Variants in RBM5 observed in about 807,000 individuals in gnomAD.
RBM5 encodes the protein RNA binding motif protein 5, also known as RNA-binding protein 5.
In RBM5, 15 loss-of-function variants were observed where a neutral mutation model predicts 124.6. The observed-to-expected ratio is 0.12, with a 90% CI of 0.08 to 0.19. RBM5 has a LOEUF of 0.19. Ranked by LOEUF, RBM5 falls within the 10% of genes least tolerant of loss-of-function variation. The probability of loss-of-function intolerance (pLI) is 1.00; values close to 1 mark genes in which losing one functional copy is unlikely to be tolerated. For missense variants in RBM5, 580 were observed against 1,026.5 expected (o/e 0.57, Z 5.94); for synonymous variants, 337 against 361.2 (o/e 0.93, Z 0.76).
In RBM5 at chr3:50,118,508, C is replaced by A; in HGVS notation, c.*52C>A. The stretch of plus-strand genomic sequence containing the variant: ...GGAGCACAAGAAGTGGTCCATCTCC[C>A]GAATTCGCTGTTACCGCCTGTCTCT... On this transcript the variant is annotated 3_prime_UTR_variant, in exon 25 of 25. Coordinates refer to ENST00000347869, the MANE Select transcript of RBM5 (RefSeq NM_005778.4). The A allele has an allele frequency of 1.9e-6, 3 of 1,584,962 alleles. No homozygotes were observed. The highest frequency in any genetic ancestry group is 2.3e-5 in the East Asian group (1 of 44,036).
At chr3:50,104,865 C>T in intron 8 of RBM5, 1 of 477,582 alleles carries the variant, frequency 2.1e-6, no homozygotes, top group Non-Finnish European at 3.8e-6. Flanking sequence ...TTCTTTAGTG[C>T]AGGGTAGTGT....
chr3:50,113,834 T>G lies in RBM5; in HGVS notation c.1618-116T>G. On this transcript the variant is annotated intron_variant, in intron 18 of 24. Transcript: ENST00000347869. ...TAATGGAAATATTTGTAGGTGGAAG[T>G]AAGAGTAAAAGGGGTTTGTTACAGG... 5 of 1,195,736 alleles carry G rather than the reference T, an allele frequency of 4.2e-6. No individual in the cohort carries two copies. In the South Asian group the frequency reaches 7.6e-5, roughly 18 times the overall value. 74.1% of individuals were successfully genotyped at this position (1,195,736 alleles called of 1,614,324 possible).
intron 17 of RBM5, among the ~76,000 whole-genome samples, chr3:50,112,348 G>A (rs922743353): frequency 6.7e-6 from 1 of 149,114 alleles, no homozygotes; most frequent in Non-Finnish European, 1.5e-5. Context: ...CCCGGGAGGT[G>A]GAGCTGGCAG....
intron 17 of RBM5, chr3:50,113,121 T>C (rs1157325245): frequency 3.9e-6 from 1 of 256,250 alleles, no homozygotes; most frequent in Non-Finnish European, 7.5e-6. Context: ...CCCAAAGTGC[T>C]AGGATTACGG....
rs561348710 is a variant in RBM5 at position 50,113,262 on chromosome 3, C to A, written c.1456-121C>A. 2.7e-4 allele frequency: 275 copies of A among 1,035,696 alleles called. 2 individuals carry two copies. In the South Asian group the frequency reaches 2.9e-3, roughly 11 times the overall value. The allele number at this position is 1,035,696 out of a possible 1,614,324, so 64.2% of individuals were successfully genotyped here. On this transcript the variant is annotated intron_variant, in intron 17 of 24. Coordinates refer to ENST00000347869, the MANE Select transcript of RBM5 (RefSeq NM_005778.4). ...ACTTATACCAAGGTGTGCCCAGGGT[C>A]TTTTCTGGGCAGGAAATATCACTAG...
rs374269188 is a variant in RBM5, at chr3:50,115,409, G to C, written c.1840-19G>C. The C allele has an allele frequency of 8.7e-6, 14 of 1,610,088 alleles. No individual in the cohort carries two copies. In the East Asian group the frequency reaches 2.0e-4, roughly 23 times the overall value. On this transcript the variant is annotated intron_variant, in intron 20 of 24. Transcript: ENST00000347869. ...TCCTATTGTACATTTCCAGTGACCT[G>C]TCCTCCTTTTGTCTCCAGAGGGGTC...
intron 8 of RBM5, chr3:50,104,599 T>TA (rs1401660122): frequency 2.8e-6 from 1 of 355,498 alleles, no homozygotes; most frequent in Non-Finnish European, 5.2e-6. Flanking sequence ...GCTATGGTCA[T>TA]ACCACTGCAC....
At chr3:50,095,172 G>C (rs1431261569) in intron 4 of RBM5, among the ~76,000 whole-genome samples, 1 of 152,172 alleles carries the variant, frequency 6.6e-6, no homozygotes, top group Non-Finnish European at 1.5e-5. Flanking sequence ...TTGCACTCCA[G>C]CCTGGGTGAC....
intron 16 of RBM5, 94 bp downstream of exon 16, chr3:50,110,557 G>A: frequency 2.1e-6 from 3 of 1,441,218 alleles, no homozygotes; most frequent in Non-Finnish European, 2.9e-6. Flanking sequence ...GGTGTCAGAG[G>A]GACACTTGGG....
At chr3:50,115,299 A>T in intron 20 of RBM5, 129 bp from the exon 21 acceptor site, 1 of 1,128,378 alleles carries the variant, frequency 8.9e-7, no homozygotes, top group Non-Finnish European at 1.3e-6. Flanking sequence ...GTGATTCATT[A>T]CTAAAGTGTG....
At chr3:50,111,384 C>T (rs779218301) in intron 17 of RBM5, among the ~76,000 whole-genome samples, 2 of 152,144 alleles carry the variant, frequency 1.3e-5, no homozygotes, top group African/African-American at 2.4e-5. Flanking sequence ...CCTCCAGTAA[C>T]TACTAATCTA....
At chr3:50,099,071 G>A (rs150514588) in intron 4 of RBM5, among the ~76,000 whole-genome samples, 7 of 152,066 alleles carry the variant, frequency 4.6e-5, no homozygotes, top group Admixed American at 2.0e-4. Context: ...CCTGGGCAAC[G>A]TGGCAAAACT....
At chr3:50,115,718 T>TA (rs2091237012) in intron 21 of RBM5, 111 bp downstream of exon 21, 1 of 1,334,156 alleles carries the variant, frequency 7.5e-7, no homozygotes, top group South Asian at 1.4e-5. Flanking sequence ...ATGATGGCCT[T>TA]ACAGAAAGCT....
chr3:50,118,096 G>A, intron 24 of RBM5: 1 of 563,632 alleles, frequency 1.8e-6, no homozygotes, highest in Admixed American at 3.1e-5. Context: ...GATGCTTGCT[G>A]AGCAGGCATT....
Position 50,110,703 on chromosome 3 carries a change from A to G in RBM5, c.1388A>G (p.Gln463Arg). ...GCAGTACCTGACACGTCCACTTACC[A>G]GTATGATGAATCTTCAGGATATTAC... ...KYAVPDTSTY[Q>R]YDESSGYYYD... The change falls in exon 17 of 25, where the codon CAG becomes CGG. Residue 463 changes from glutamine to arginine, a missense_variant. Around this residue, in one of 6 missense-constraint regions of RBM5, gnomAD observed 104 missense variants for 128.7 expected, o/e 0.81. Transcript: ENST00000347869. 6.2e-7 allele frequency: 1 copy of G among 1,613,562 alleles called. No individual in the cohort carries two copies. The highest frequency in any genetic ancestry group is 8.5e-7 in the Non-Finnish European group (1 of 1,179,590).
At chr3:50,098,118 T>A (rs746058913) in intron 4 of RBM5, among the ~76,000 whole-genome samples, 2 of 152,130 alleles carry the variant, frequency 1.3e-5, no homozygotes, top group Non-Finnish European at 2.9e-5. Context: ...AAAAAAAGTT[T>A]ATCATCAGGC....
intron 8 of RBM5, chr3:50,104,676 G>A (rs1043070815): frequency 3.8e-6 from 1 of 263,398 alleles, no homozygotes; most frequent in Non-Finnish European, 7.3e-6. Flanking sequence ...GACAAATAGG[G>A]TTGTTAACTG....
intron 18 of RBM5, 58 bp from the exon 19 acceptor site, chr3:50,113,892 A>G: frequency 3.8e-6 from 6 of 1,576,224 alleles, no homozygotes; most frequent in Non-Finnish European, 4.3e-6. Context: ...TTAATGGCTC[A>G]TTCTCATGGC....
chr3:50,114,543 A>G (rs919578858), intron 20 of RBM5: 7 of 369,230 alleles, frequency 1.9e-5, no homozygotes, highest in African/African-American at 1.1e-4. Flanking sequence ...TTAAGACAAG[A>G]AAAAGCTTGT....
Sources: allele counts gnomAD v4.1 joint callset (sites outside exome capture counted in the v4.1 genomes callset), GRCh38; gene constraint gnomAD v4.1.1; regional missense constraint gnomAD v4.1.1; transcripts MANE v1.5; gene names NCBI Gene and HGNC (gene_info 2026-07-23, HGNC 2026-07-21).